GNAQ: variants seen among roughly 807,000 people sequenced by gnomAD.
The protein encoded by GNAQ is G protein subunit alpha q, also known as guanine nucleotide-binding protein G(q) subunit alpha.
In GNAQ, 8 loss-of-function variants were observed where a neutral mutation model predicts 43.9. The ratio of observed to expected loss-of-function variants is 0.18; its 90% CI spans 0.11 to 0.33. The LOEUF is 0.33. Ranked by LOEUF, GNAQ falls within the 10% of genes least tolerant of loss-of-function variation. The pLI is 1.00. For synonymous variants in GNAQ, 155 were observed against 170.7 expected, an observed-to-expected ratio of 0.91 and a Z score of 0.71; for missense variants, 158 against 450.8, an observed-to-expected ratio of 0.35 and a Z score of 5.88.
chr9:77,977,714 AG>A (rs1443510065), intron 1 of GNAQ, among the ~76,000 whole-genome samples: 1 of 152,176 alleles, frequency 6.6e-6, no homozygotes, highest in Non-Finnish European at 1.5e-5. Context: ...AGCCCCTTAT[AG>A]GAGGAACATT....
rs187221411 is a variant in GNAQ, at chr9:78,005,529, T to C, written c.136+25571A>G. On this transcript the variant is annotated intron_variant, in intron 1 of 6. Transcript: ENST00000286548. ...AATAACTGAGCGTTCTATGTGTGCA[T>C]AATAATGTCTTACTCACAGTAGTTA... 3.9e-5 allele frequency among the ~76,000 whole-genome samples: 6 copies of C among 152,342 alleles called. No homozygotes were observed. The East Asian group carries it at 9.6e-4, about 24-fold the overall frequency.
intron 3 of GNAQ, among the ~76,000 whole-genome samples, chr9:77,814,649 T>C (rs1222552693): frequency 6.6e-6 from 1 of 152,224 alleles, no homozygotes; most frequent in African/African-American, 2.4e-5. Flanking sequence ...AGATATTCCA[T>C]GCACTTTTGA....
intron 5 of GNAQ, among the ~76,000 whole-genome samples, chr9:77,753,230 G>C (rs1290847367): frequency 6.6e-6 from 1 of 152,028 alleles, no homozygotes; most frequent in African/African-American, 2.4e-5. Context: ...TCTTCAGTAT[G>C]ATCATCGGGA....
chr9:77,925,386 G>T (rs1276978089), intron 1 of GNAQ, among the ~76,000 whole-genome samples: 1 of 151,078 alleles, frequency 6.6e-6, no homozygotes, highest in African/African-American at 2.5e-5. Flanking sequence ...TCATGATAAA[G>T]AAACAGGTCT....
intron 2 of GNAQ, among the ~76,000 whole-genome samples, chr9:77,919,110 G>A (rs1828959032): frequency 2.0e-5 from 3 of 152,108 alleles, no homozygotes; most frequent in Admixed American, 2.0e-4. Context: ...AGTAGAGACA[G>A]GATTTCACCA....
intron 1 of GNAQ, among the ~76,000 whole-genome samples, chr9:77,978,211 T>C (rs1823326963): frequency 6.6e-6 from 1 of 152,190 alleles, no homozygotes; most frequent in South Asian, 2.1e-4. Flanking sequence ...CTTCTATCCC[T>C]GATGTGTCAA....
intron 3 of GNAQ, among the ~76,000 whole-genome samples, chr9:77,803,844 A>G (rs1402840229): frequency 6.6e-6 from 1 of 152,222 alleles, no homozygotes; most frequent in African/African-American, 2.4e-5. Context: ...GCACTGCATG[A>G]AAGACTTAAC....
chr9:77,942,466 A>G (rs950124062), intron 1 of GNAQ, among the ~76,000 whole-genome samples: 4 of 152,206 alleles, frequency 2.6e-5, no homozygotes, highest in African/African-American at 9.7e-5. Flanking sequence ...ACTGTGATAT[A>G]CTTGCAAAAT....
chr9:77,791,309 G>A (rs1031017190), intron 5 of GNAQ, among the ~76,000 whole-genome samples: 1 of 152,152 alleles, frequency 6.6e-6, no homozygotes, highest in African/African-American at 2.4e-5. Flanking sequence ...TTAAAAGGCA[G>A]TGTTTGGATA....
chr9:77,946,314 A>C (rs964166618), intron 1 of GNAQ, among the ~76,000 whole-genome samples: 1 of 152,240 alleles, frequency 6.6e-6, no homozygotes, highest in East Asian at 1.9e-4. Context: ...ATTTTTGCTT[A>C]AACTAAGAGA....
intron 2 of GNAQ, among the ~76,000 whole-genome samples, chr9:77,916,671 G>T (rs188206176): frequency 1.3e-5 from 2 of 152,004 alleles, no homozygotes; most frequent in South Asian, 4.1e-4. Flanking sequence ...GCCTCAAAAC[G>T]CCTGGCTAGT....
chr9:77,934,885 G>C (rs963897517), intron 1 of GNAQ, among the ~76,000 whole-genome samples: 2 of 152,314 alleles, frequency 1.3e-5, no homozygotes, highest in Admixed American at 6.5e-5. Context: ...CCAGCACTTT[G>C]GGAGGCTGAG....
chr9:77,957,486 A>C (rs1823057500), intron 1 of GNAQ, among the ~76,000 whole-genome samples: 1 of 152,136 alleles, frequency 6.6e-6, no homozygotes, highest in Non-Finnish European at 1.5e-5. Flanking sequence ...TGCACTACAC[A>C]CAGGAAGGCG....
At chr9:77,943,562 T>C (rs1258165721) in intron 1 of GNAQ, among the ~76,000 whole-genome samples, 2 of 151,930 alleles carry the variant, frequency 1.3e-5, no homozygotes, top group Non-Finnish European at 1.5e-5. Flanking sequence ...ATCTCTAGTA[T>C]GCACATTCAT....
At chr9:78,016,850 G>GA (rs1187751548) in intron 1 of GNAQ, among the ~76,000 whole-genome samples, 1 of 152,040 alleles carries the variant, frequency 6.6e-6, no homozygotes, top group African/African-American at 2.4e-5. Context: ...AATGAATACT[G>GA]ATTCAATAAA....
intron 1 of GNAQ, among the ~76,000 whole-genome samples, chr9:78,018,683 T>A (rs1397275805): frequency 9.9e-5 from 15 of 152,198 alleles, no homozygotes; most frequent in Non-Finnish European, 2.2e-4. Flanking sequence ...AAACTTTTTT[T>A]TTTACTATTT....
intron 2 of GNAQ, among the ~76,000 whole-genome samples, chr9:77,867,606 C>G (rs912293949): frequency 6.6e-6 from 1 of 152,118 alleles, no homozygotes. Context: ...TAAAGTCAAG[C>G]AGAAGGAGAG....
chr9:77,825,973 G>A (rs1311865017), intron 2 of GNAQ, among the ~76,000 whole-genome samples: 1 of 152,014 alleles, frequency 6.6e-6, no homozygotes, highest in Non-Finnish European at 1.5e-5. Context: ...CTAAAATTAA[G>A]AGCTTTAGCA....
At chr9:77,940,557 C>T (rs1003346405) in intron 1 of GNAQ, among the ~76,000 whole-genome samples, 4 of 151,832 alleles carry the variant, frequency 2.6e-5, no homozygotes, top group African/African-American at 7.3e-5. Context: ...CCAGCCTGAG[C>T]GACAGAGACC....
Sources: gnomAD v4.1 joint callset for allele counts (sites outside exome capture counted in the v4.1 genomes callset) on GRCh38, gnomAD v4.1.1 for gene constraint, MANE v1.5 for transcripts, NCBI Gene and HGNC (gene_info 2026-07-23, HGNC 2026-07-21) for gene names.